DYNC1I1: variants seen among roughly 807,000 people sequenced by gnomAD.
DYNC1I1 encodes the protein cytoplasmic dynein 1 intermediate chain 1.
In DYNC1I1, 43 loss-of-function variants were observed where a neutral mutation model predicts 86.6. The ratio of observed to expected loss-of-function variants is 0.50; its 90% confidence interval spans 0.39 to 0.64. The LOEUF (loss-of-function observed/expected upper bound fraction) is 0.64. Among genes scored for constraint, DYNC1I1 ranks in the 30% least tolerant of loss-of-function variants. The probability of loss-of-function intolerance (pLI) is 0.00; values close to 1 mark genes in which losing one functional copy is unlikely to be tolerated. For synonymous variants in DYNC1I1, 262 were observed against 283.7 expected (o/e 0.92, Z 0.77); for missense variants, 604 against 788.8 (o/e 0.77, Z 2.81).
intron 11 of DYNC1I1, 112 bp from the exon 12 acceptor site, chr7:96,032,555 A>G (rs2115994043): frequency 1.3e-6 from 1 of 798,016 alleles, no homozygotes; most frequent in African/African-American, 1.7e-5. Context: ...CTTGTATTAT[A>G]GTAGGATTAT....
chr7:96,033,943 G>A (rs1048182491), intron 12 of DYNC1I1, among the ~76,000 whole-genome samples: 4 of 152,170 alleles, frequency 2.6e-5, no homozygotes, highest in Non-Finnish European at 4.4e-5. Context: ...CCAGGAGTTC[G>A]AGGTTGCAGT....
intron 1 of DYNC1I1, among the ~76,000 whole-genome samples, chr7:95,803,865 A>G (rs1199459730): frequency 6.6e-6 from 1 of 152,178 alleles, no homozygotes. Context: ...ATTGGTAATT[A>G]GTAAGAGTCT....
intron 5 of DYNC1I1, among the ~76,000 whole-genome samples, chr7:95,856,649 G>A (rs1188341574): frequency 4.6e-5 from 7 of 152,042 alleles, no homozygotes; most frequent in Non-Finnish European, 7.4e-5. Flanking sequence ...TCACCTCTAG[G>A]GATTCCTCAA....
intron 11 of DYNC1I1, among the ~76,000 whole-genome samples, chr7:96,029,532 A>G (rs1486142367): frequency 6.6e-6 from 1 of 152,188 alleles, no homozygotes; most frequent in Non-Finnish European, 1.5e-5. Context: ...CTCTTCCAAA[A>G]AATTAACATT....
At chr7:95,792,469 G>C (rs1422163768) in intron 1 of DYNC1I1, among the ~76,000 whole-genome samples, 1 of 152,136 alleles carries the variant, frequency 6.6e-6, no homozygotes, top group Non-Finnish European at 1.5e-5. Context: ...ATACAGAGAG[G>C]AATCTGAATG....
At chr7:96,068,802 T>C (rs183128321) in intron 14 of DYNC1I1, among the ~76,000 whole-genome samples, 53 of 151,074 alleles carry the variant, frequency 3.5e-4, no homozygotes, top group African/African-American at 1.2e-3. Context: ...TATATGTACA[T>C]ATGTATATTT....
In DYNC1I1 at chr7:95,984,605, T is replaced by C. The variant is rs571812300; in HGVS notation, c.581-210T>C. 1.3e-5 allele frequency among the ~76,000 whole-genome samples: 2 copies of C among 152,276 alleles called. 1 individual carries two copies. Among genetic ancestry groups the C allele is most frequent in the South Asian group, 4.1e-4 (2 of 4,830 alleles). On this transcript the variant is annotated intron_variant, in intron 7 of 16. Transcript: ENST00000447467. Reference sequence around the variant, plus strand: ...TCTTCAAAATAATAATTAGACCAAATATGCAATCTTTTTGTGGGGACATCT... The same window carrying C: ...TCTTCAAAATAATAATTAGACCAAACATGCAATCTTTTTGTGGGGACATCT...
At chr7:95,811,077 ACTC>A (rs1342225494) in intron 3 of DYNC1I1, among the ~76,000 whole-genome samples, 7 of 151,928 alleles carry the variant, frequency 4.6e-5, no homozygotes, top group South Asian at 2.1e-4. Flanking sequence ...TCACTACAAT[ACTC>A]CTCCTCTAAT....
chr7:95,915,104 C>T (rs567903797), intron 6 of DYNC1I1, among the ~76,000 whole-genome samples: 86 of 152,262 alleles, frequency 5.6e-4, no homozygotes, highest in African/African-American at 2.0e-3. Flanking sequence ...CCAGCATTTC[C>T]TTCATGTTAC....
intron 6 of DYNC1I1, among the ~76,000 whole-genome samples, chr7:95,891,677 A>G (rs1441778965): frequency 2.6e-5 from 4 of 152,216 alleles, no homozygotes; most frequent in Non-Finnish European, 5.9e-5. Flanking sequence ...AGTATACCAA[A>G]TATACAGGGG....
intron 6 of DYNC1I1, among the ~76,000 whole-genome samples, chr7:95,917,511 C>T (rs1584157856): frequency 2.6e-5 from 4 of 152,282 alleles, no homozygotes; most frequent in Admixed American, 2.6e-4. Context: ...GCACCTCCTC[C>T]TGAGACATTC....
intron 10 of DYNC1I1, among the ~76,000 whole-genome samples, chr7:96,006,288 A>G (rs987730601): frequency 6.6e-6 from 1 of 152,184 alleles, no homozygotes; most frequent in Non-Finnish European, 1.5e-5. Context: ...GAGAGAATCC[A>G]GGCGCTTCAT....
intron 5 of DYNC1I1, among the ~76,000 whole-genome samples, chr7:95,849,996 A>AT (rs910773197): frequency 1.3e-5 from 2 of 151,852 alleles, no homozygotes; most frequent in Non-Finnish European, 2.9e-5. Flanking sequence ...TGTTTTCTTG[A>AT]TTTTTTACTC....
intron 1 of DYNC1I1, among the ~76,000 whole-genome samples, chr7:95,795,182 G>A (rs1360700265): frequency 1.3e-5 from 2 of 152,154 alleles, no homozygotes; most frequent in Non-Finnish European, 2.9e-5. Flanking sequence ...CCATCATAAC[G>A]GCTTTTTGTT....
intron 4 of DYNC1I1, among the ~76,000 whole-genome samples, chr7:95,817,902 C>T (rs528659364): frequency 1.3e-5 from 2 of 152,088 alleles, no homozygotes; most frequent in Non-Finnish European, 2.9e-5. Flanking sequence ...CCTTAGGGTT[C>T]GCAATGACAG....
chr7:95,948,285 C>T (rs1464541370), intron 6 of DYNC1I1, among the ~76,000 whole-genome samples: 7 of 152,164 alleles, frequency 4.6e-5, no homozygotes, highest in Non-Finnish European at 1.0e-4. Flanking sequence ...AAGATAGGCA[C>T]TGAATTCTCT....
intron 5 of DYNC1I1, among the ~76,000 whole-genome samples, chr7:95,850,762 C>A (rs1789556438): frequency 6.6e-6 from 1 of 152,196 alleles, no homozygotes; most frequent in African/African-American, 2.4e-5. Flanking sequence ...TACCATAGAA[C>A]TTAGCAGCCC....
intron 6 of DYNC1I1, among the ~76,000 whole-genome samples, chr7:95,962,166 T>C (rs1443892429): frequency 1.3e-5 from 2 of 152,176 alleles, no homozygotes; most frequent in Non-Finnish European, 2.9e-5. Context: ...GGAATGCCCT[T>C]TACTCTGCCC....
At chr7:96,078,687 A>G (rs1374602982) in intron 15 of DYNC1I1, among the ~76,000 whole-genome samples, 12 of 152,108 alleles carry the variant, frequency 7.9e-5, no homozygotes, top group Non-Finnish European at 2.9e-5. Flanking sequence ...ATTTTATTCT[A>G]TTTTTAAGAT....
Sources: allele counts gnomAD v4.1 joint callset (sites outside exome capture counted in the v4.1 genomes callset), GRCh38; gene constraint gnomAD v4.1.1; transcripts MANE v1.5; gene names NCBI Gene and HGNC (gene_info 2026-07-23, HGNC 2026-07-21).